Variants in HPSE2 observed in about 807,000 individuals in gnomAD.
HPSE2 encodes the protein heparanase 2 (inactive).
Under a neutral mutation model 60.5 loss-of-function variants are expected in HPSE2, and 38 were observed. The observed-to-expected ratio is 0.63, with a 90% CI of 0.48 to 0.82. The LOEUF (loss-of-function observed/expected upper bound fraction) is 0.82, where lower values mean the gene tolerates loss of function less well. Ranked by LOEUF, HPSE2 falls within the 40% of genes least tolerant of loss-of-function variation. HPSE2 has a pLI of 0.00. For missense variants in HPSE2, 713 were observed against 740.4 expected, an observed-to-expected ratio of 0.96 and a Z score of 0.43; for synonymous variants, 295 against 293.2, an observed-to-expected ratio of 1.01 and a Z score of -0.06.
intron 6 of HPSE2, among the ~76,000 whole-genome samples, chr10:98,673,287 A>G (rs752425708): frequency 6.6e-6 from 1 of 152,222 alleles, no homozygotes; most frequent in Non-Finnish European, 1.5e-5. Context: ...CAACTGATCC[A>G]AAGTGTGGTC....
intron 3 of HPSE2, among the ~76,000 whole-genome samples, chr10:99,109,947 T>C (rs1844395747): frequency 6.6e-6 from 1 of 152,070 alleles, no homozygotes; most frequent in East Asian, 1.9e-4. Flanking sequence ...GAGTCAGTGA[T>C]GTGAGGTGGG....
intron 6 of HPSE2, among the ~76,000 whole-genome samples, chr10:98,682,911 A>T (rs1947822146): frequency 1.3e-5 from 2 of 152,198 alleles, no homozygotes; most frequent in South Asian, 4.1e-4. Flanking sequence ...AACTACAGTC[A>T]GGACCATCAA....
At chr10:98,877,967 C>T (rs72836749) in intron 3 of HPSE2, among the ~76,000 whole-genome samples, 12,660 of 151,830 alleles carry the variant, frequency 0.083, 899 homozygotes, top group African/African-American at 0.19. Flanking sequence ...AGGTTAACTT[C>T]AGGGAGAAAT....
At chr10:98,906,235 T>C (rs909360290) in intron 3 of HPSE2, among the ~76,000 whole-genome samples, 1 of 152,176 alleles carries the variant, frequency 6.6e-6, no homozygotes, top group Non-Finnish European at 1.5e-5. Context: ...GAAGAACAAT[T>C]TCCCCCCAAA....
In HPSE2 at chr10:98,945,376, G is replaced by T. The variant is rs972654411; in HGVS notation, c.610+198862C>A. Among the ~76,000 whole-genome samples, 34 of 151,960 alleles carry T rather than the reference G, an allele frequency of 2.2e-4. 1 individual carries two copies. Among genetic ancestry groups the T allele is most frequent in the Admixed American group, 1.1e-3 (17 of 15,244 alleles). The stretch of plus-strand genomic sequence containing the variant: ...TCCTTTTCTTTAAAAAATGACCTTT[G>T]GCTCACATTTGATCTGCTGATAGCT... On this transcript the variant is annotated intron_variant, in intron 3 of 11. Transcript: ENST00000370552.
chr10:98,730,957 G>A (rs1159904126), intron 4 of HPSE2, among the ~76,000 whole-genome samples: 4 of 152,114 alleles, frequency 2.6e-5, no homozygotes, highest in African/African-American at 9.7e-5. Context: ...TATGTTATGA[G>A]GCCAATATTG....
At chr10:98,733,973 C>A (rs914810324) in intron 4 of HPSE2, among the ~76,000 whole-genome samples, 1 of 152,156 alleles carries the variant, frequency 6.6e-6, no homozygotes, top group African/African-American at 2.4e-5. Flanking sequence ...TTAATAATCC[C>A]AGAAAAAACT....
chr10:98,641,986 G>T, intron 6 of HPSE2, 46 bp from the exon 7 acceptor site: 1 of 1,501,444 alleles, frequency 6.7e-7, no homozygotes, highest in Non-Finnish European at 9.2e-7. Flanking sequence ...TCAAGCAAGG[G>T]ATTATAAATA....
chr10:98,488,146 G>C (rs1941507723), intron 10 of HPSE2, among the ~76,000 whole-genome samples: 1 of 152,196 alleles, frequency 6.6e-6, no homozygotes, highest in Non-Finnish European at 1.5e-5. Flanking sequence ...ATAGAAATTA[G>C]AGGAGAGCTG....
At chr10:99,214,598 C>A (rs1268762828) in intron 2 of HPSE2, among the ~76,000 whole-genome samples, 1 of 151,906 alleles carries the variant, frequency 6.6e-6, no homozygotes, top group African/African-American at 2.4e-5. Context: ...CAAATGGGAT[C>A]TAATTAAGCT....
chr10:98,927,199 G>A (rs1477761465), intron 3 of HPSE2, among the ~76,000 whole-genome samples: 2 of 152,144 alleles, frequency 1.3e-5, no homozygotes, highest in Non-Finnish European at 2.9e-5. Flanking sequence ...AATGTTGACA[G>A]TGGGGTGTTA....
intron 6 of HPSE2, among the ~76,000 whole-genome samples, chr10:98,648,639 G>A (rs1489334777): frequency 6.6e-6 from 1 of 151,882 alleles, no homozygotes; most frequent in African/African-American, 2.4e-5. Flanking sequence ...AAATTAGCTG[G>A]GTGTAGTGGT....
Position 98,615,877 on chromosome 10 carries a change from A to G in HPSE2, c.1206-859T>C, listed in dbSNP as rs892216302. ...AGATTCAGTCTTCTCTATATGAAAG[A>G]TAAGGCATTTCACAACTTGTCCTAA... On this transcript the variant is annotated intron_variant, in intron 8 of 11. Coordinates refer to ENST00000370552, the MANE Select transcript of HPSE2 (RefSeq NM_021828.5). 5.3e-5 allele frequency among the ~76,000 whole-genome samples: 8 copies of G among 152,318 alleles called. No individual in the cohort carries two copies. In the East Asian group the frequency reaches 1.4e-3, roughly 26 times the overall value.
intron 3 of HPSE2, among the ~76,000 whole-genome samples, chr10:99,045,456 T>A (rs1333321971): frequency 1.3e-5 from 2 of 151,914 alleles, no homozygotes. Context: ...AAACCAACCC[T>A]AAAGCTAGCA....
Position 98,719,243 on chromosome 10 carries a change from C to T in HPSE2, c.956+2414G>A, listed in dbSNP as rs1366967543. On this transcript the variant is annotated intron_variant, in intron 5 of 11. Coordinates refer to ENST00000370552, the MANE Select transcript of HPSE2 (RefSeq NM_021828.5). ...GCATTTATAACACACTTACTATGTT[C>T]CTAGATTCTGAAGATATAGAATGAA... Among the ~76,000 whole-genome samples, 3 of 152,178 alleles carry T rather than the reference C, an allele frequency of 2.0e-5. No homozygotes were observed. In the East Asian group the frequency reaches 5.8e-4, roughly 29 times the overall value.
chr10:99,269,639 G>A, the HPSE2 span, among the ~76,000 whole-genome samples: 1 of 151,924 alleles, frequency 6.6e-6, no homozygotes, highest in Non-Finnish European at 1.5e-5. Flanking sequence ...TGAACTTAAT[G>A]TTTCAGAACA....
At chr10:98,701,882 A>G (rs777306557) in intron 5 of HPSE2, among the ~76,000 whole-genome samples, 2 of 152,184 alleles carry the variant, frequency 1.3e-5, no homozygotes, top group African/African-American at 4.8e-5. Flanking sequence ...CAATGACACT[A>G]TGAAGAAGCT....
chr10:99,061,231 G>A (rs1335914077), intron 3 of HPSE2, among the ~76,000 whole-genome samples: 1 of 152,022 alleles, frequency 6.6e-6, no homozygotes, highest in Non-Finnish European at 1.5e-5. Flanking sequence ...GGAAGAGGTG[G>A]TGCATCAGAT....
chr10:98,482,533 C>T (rs986667638), intron 11 of HPSE2, 103 bp downstream of exon 11: 3 of 1,427,926 alleles, frequency 2.1e-6, no homozygotes, highest in Non-Finnish European at 3.0e-6. Context: ...CTCCATCCCA[C>T]TGAGCCCTTG....
Sources: gnomAD v4.1 joint callset for allele counts (sites outside exome capture counted in the v4.1 genomes callset) on GRCh38, gnomAD v4.1.1 for gene constraint, MANE v1.5 for transcripts, NCBI Gene and HGNC (gene_info 2026-07-23, HGNC 2026-07-21) for gene names.